Variants in SDK1 observed in about 807,000 individuals in gnomAD.
SDK1 encodes sidekick cell adhesion molecule 1, also known as protein sidekick-1.
SDK1 carries 157 observed loss-of-function variants against 245.5 expected under a neutral mutation model. That is an observed-to-expected ratio of 0.64 (90% confidence interval 0.56 to 0.73). The LOEUF is 0.73. Among genes scored for constraint, SDK1 ranks in the 30% least tolerant of loss-of-function variants. The pLI is 0.00. For missense variants in SDK1, 3,583 were observed against 3,002.3 expected (o/e 1.19, Z -4.52); for synonymous variants, 1,647 against 1,278.5 (o/e 1.29, Z -6.15).
intron 4 of SDK1, among the ~76,000 whole-genome samples, chr7:3,691,584 G>A (rs1325732169): frequency 6.6e-6 from 1 of 152,138 alleles, no homozygotes; most frequent in African/African-American, 2.4e-5. Flanking sequence ...TTTTCTGCCG[G>A]CATGATATTT....
At chr7:3,693,559 G>GT (rs1370652938) in intron 4 of SDK1, among the ~76,000 whole-genome samples, 2 of 151,832 alleles carry the variant, frequency 1.3e-5, no homozygotes, top group African/African-American at 4.8e-5. Context: ...CCTTTGATAT[G>GT]TTTTTTTCAT....
rs1781656820 is a variant in SDK1 at position 3,961,233 on chromosome 7, A to T, written c.1235-1424A>T. Among the ~76,000 whole-genome samples, 4 of 152,362 alleles carry T rather than the reference A, an allele frequency of 2.6e-5. No individual in the cohort carries two copies. In the South Asian group the frequency reaches 8.3e-4, roughly 32 times the overall value. ...ATTCCTTATGAAAGTGACATCATGT[A>T]ACTGCTATTATGAGATATTACATGA... On this transcript the variant is annotated intron_variant, in intron 8 of 44. Coordinates refer to ENST00000404826, the MANE Select transcript of SDK1 (RefSeq NM_152744.4).
At position 3,738,408 on chromosome 7, in the gene SDK1, C is replaced by T. The variant is rs78451353; in HGVS notation, c.714-83042C>T. Among the ~76,000 whole-genome samples the T allele has an allele frequency of 3.7e-3, 562 of 152,244 alleles. 4 individuals carry two copies. Among genetic ancestry groups the T allele is most frequent in the African/African-American group, 0.012 (489 of 41,538 alleles). On this transcript the variant is annotated intron_variant, in intron 4 of 44. Coordinates refer to ENST00000404826, the MANE Select transcript of SDK1 (RefSeq NM_152744.4). ...CTAATCTATTACATTGGTTTGTATG[C>T]CTCTCTCTGTGCCACTACTATGCTG... is the stretch of plus-strand genomic sequence containing the variant.
At chr7:4,194,381 T>C (rs992900475) in intron 35 of SDK1, among the ~76,000 whole-genome samples, 1 of 109,850 alleles carries the variant, frequency 9.1e-6, no homozygotes, top group South Asian at 3.1e-4. Context: ...TACATGTATG[T>C]GTATACATGT....
In SDK1 at chr7:4,267,751, C is replaced by T. The variant is rs1365571226; in HGVS notation, c.*2367C>T. The T allele has an allele frequency of 3.0e-6, 3 of 985,356 alleles. No homozygotes were observed. Among genetic ancestry groups the T allele is most frequent in the African/African-American group, 1.7e-5 (1 of 57,246 alleles). 61.0% of individuals were successfully genotyped at this position (985,356 alleles called of 1,614,324 possible). On this transcript the variant is annotated 3_prime_UTR_variant, in exon 45 of 45. Transcript: ENST00000404826. ...CATCATGACACTTCTGTTTCAAGCT[C>T]ATGTTTTCCGTCTCCCCTCCACTCT...
At chr7:3,714,855 G>A (rs1431382700) in intron 4 of SDK1, among the ~76,000 whole-genome samples, 1 of 152,138 alleles carries the variant, frequency 6.6e-6, no homozygotes, top group Admixed American at 6.5e-5. Flanking sequence ...TTCTAATTAA[G>A]TGCAAATTAC....
At chr7:3,761,710 G>A (rs1247278199) in intron 4 of SDK1, among the ~76,000 whole-genome samples, 1 of 151,960 alleles carries the variant, frequency 6.6e-6, no homozygotes, top group Non-Finnish European at 1.5e-5. Context: ...AGTTTGATTA[G>A]AGAAAATATG....
chr7:3,918,799 G>A (rs915992625), intron 5 of SDK1, among the ~76,000 whole-genome samples: 3 of 152,026 alleles, frequency 2.0e-5, no homozygotes, highest in Non-Finnish European at 4.4e-5. Context: ...CGGTTCTACC[G>A]AGAGACTTCC....
chr7:3,513,722 A>G (rs1782650513), intron 1 of SDK1, among the ~76,000 whole-genome samples: 1 of 152,128 alleles, frequency 6.6e-6, no homozygotes, highest in Non-Finnish European at 1.5e-5. Flanking sequence ...TAGGGTACAG[A>G]TGAGCCCATC....
chr7:4,219,974 A>G, intron 38 of SDK1, 135 bp from the exon 39 acceptor site: 1 of 1,048,008 alleles, frequency 9.5e-7, no homozygotes. Context: ...ACCACCATAT[A>G]AACTCCTAAT....
intron 1 of SDK1, among the ~76,000 whole-genome samples, chr7:3,604,446 A>C (rs530864643): frequency 3.5e-4 from 53 of 152,070 alleles, no homozygotes; most frequent in Non-Finnish European, 6.2e-4. Flanking sequence ...CCCTCTTTCT[A>C]ATGTAAGCAT....
At chr7:3,491,075 T>G (rs1180775440) in intron 1 of SDK1, among the ~76,000 whole-genome samples, 2 of 152,232 alleles carry the variant, frequency 1.3e-5, no homozygotes, top group African/African-American at 4.8e-5. Context: ...TGTTATCCCA[T>G]TTTATAGATT....
In SDK1 at chr7:3,830,873, G is replaced by C. The variant is rs185392344; in HGVS notation, c.847+9290G>C. ...AGCGAATGCCTGATTTCAGTTTATA[G>C]GGAATTGAAGATAATTTCATTGTGG... On this transcript the variant is annotated intron_variant, in intron 5 of 44. Transcript: ENST00000404826. Among the ~76,000 whole-genome samples the C allele has an allele frequency of 3.0e-4, 45 of 152,238 alleles. No homozygotes were observed. The East Asian group carries it at 8.5e-3, about 29-fold the overall frequency.
intron 1 of SDK1, among the ~76,000 whole-genome samples, chr7:3,315,640 T>A (rs996365586): frequency 2.0e-5 from 3 of 152,254 alleles, no homozygotes; most frequent in Admixed American, 1.3e-4. Context: ...ATCTCTGTTA[T>A]AGGGATTTCT....
At chr7:3,977,382 T>TCCCGGGGCTGAGGCTGCCACGCAGGGGGC (rs1562606510) in intron 13 of SDK1, among the ~76,000 whole-genome samples, 1 of 78,936 alleles carries the variant, frequency 1.3e-5, no homozygotes, top group African/African-American at 6.0e-5. Context: ...ACACAGACGG[T>TCCCGGGGCTGAGGCTGCCACGCAGGGGGC]CCTCCAGAGA....
At chr7:3,794,915 T>C (rs1778924759) in intron 4 of SDK1, among the ~76,000 whole-genome samples, 2 of 150,860 alleles carry the variant, frequency 1.3e-5, no homozygotes, top group Admixed American at 1.3e-4. Flanking sequence ...TTTAAGAAAA[T>C]ATTAATGAGC....
intron 43 of SDK1, among the ~76,000 whole-genome samples, chr7:4,242,343 T>G (rs1289899060): frequency 6.6e-6 from 1 of 152,088 alleles, no homozygotes; most frequent in African/African-American, 2.4e-5. Context: ...TATTCCAAAG[T>G]TTTCCTGTGC....
At chr7:3,891,265 G>A (rs976946745) in intron 5 of SDK1, among the ~76,000 whole-genome samples, 7 of 152,184 alleles carry the variant, frequency 4.6e-5, no homozygotes, top group East Asian at 3.9e-4. Context: ...GGCCTCAGTC[G>A]TGCTCCCGGG....
At chr7:3,648,769 G>T (rs1782923158) in intron 4 of SDK1, among the ~76,000 whole-genome samples, 1 of 152,156 alleles carries the variant, frequency 6.6e-6, no homozygotes, top group African/African-American at 2.4e-5. Flanking sequence ...TAGAGTATAT[G>T]TGTGAACCGA....
Sources: gnomAD v4.1 joint callset for allele counts (sites outside exome capture counted in the v4.1 genomes callset) on GRCh38, gnomAD v4.1.1 for gene constraint, MANE v1.5 for transcripts, NCBI Gene and HGNC (gene_info 2026-07-23, HGNC 2026-07-21) for gene names.